The following ITFG1 variants were observed in gnomAD, a reference collection of about 807,000 sequenced individuals.
ITFG1 encodes the protein T-cell immunomodulatory protein.
A neutral mutation model predicts 81.8 loss-of-function variants in ITFG1; 34 were observed. That is an observed-to-expected ratio of 0.42 (90% CI 0.32 to 0.55). The LOEUF (loss-of-function observed/expected upper bound fraction) is 0.55. Ranked by LOEUF, ITFG1 falls within the 20% of genes least tolerant of loss-of-function variation. The pLI is 0.17. For missense variants in ITFG1, 672 were observed against 755.4 expected (o/e 0.89, Z 1.29); for synonymous variants, 285 against 270.6 (o/e 1.05, Z -0.52).
chr16:47,200,155 G>T (rs1205232570), intron 14 of ITFG1, among the ~76,000 whole-genome samples: 3 of 152,194 alleles, frequency 2.0e-5, no homozygotes, highest in African/African-American at 7.2e-5. Flanking sequence ...GTCTAGGTGT[G>T]AAGTAGGCTA....
intron 5 of ITFG1, among the ~76,000 whole-genome samples, chr16:47,432,311 G>A (rs1037288572): frequency 2.6e-5 from 4 of 152,134 alleles, no homozygotes; most frequent in Non-Finnish European, 4.4e-5. Flanking sequence ...AATTGTCAAC[G>A]CAGTATTCAA....
chr16:47,322,548 G>T (rs1439826841), intron 8 of ITFG1, among the ~76,000 whole-genome samples: 1 of 152,116 alleles, frequency 6.6e-6, no homozygotes, highest in African/African-American at 2.4e-5. Context: ...AAGTTAGCCA[G>T]GCATGGTGGC....
chr16:47,356,242 G>C (rs559838418), intron 8 of ITFG1, among the ~76,000 whole-genome samples: 1 of 152,214 alleles, frequency 6.6e-6, no homozygotes, highest in Non-Finnish European at 1.5e-5. Flanking sequence ...TGAGATAAAT[G>C]TAAAATATTT....
intron 12 of ITFG1, 105 bp from the exon 13 acceptor site, chr16:47,238,113 C>T: frequency 1.6e-6 from 1 of 643,916 alleles, no homozygotes; most frequent in East Asian, 3.2e-5. Context: ...GATTCATAAT[C>T]ACAAGCAGAA....
At chr16:47,426,524 A>G (rs1881451933) in intron 6 of ITFG1, among the ~76,000 whole-genome samples, 1 of 148,578 alleles carries the variant, frequency 6.7e-6, no homozygotes, top group African/African-American at 2.5e-5. Flanking sequence ...GATTTGGCAT[A>G]CCAGATAAAC....
chr16:47,353,989 C>T lies in ITFG1; in HGVS notation c.802+11799G>A, dbSNP rs149612467. Reference sequence around the variant, plus strand: ...TGACCACACTACCCAAAGCAATCTACAGATTCACTGCAATCCCTATCAAAA... The same window carrying T: ...TGACCACACTACCCAAAGCAATCTATAGATTCACTGCAATCCCTATCAAAA... On this transcript the variant is annotated intron_variant, in intron 8 of 17. Coordinates refer to ENST00000320640, the MANE Select transcript of ITFG1 (RefSeq NM_030790.5). Among the ~76,000 whole-genome samples the T allele has an allele frequency of 3.9e-5, 6 of 152,212 alleles. No individual in the cohort carries two copies. In the East Asian group the frequency reaches 9.6e-4, roughly 24 times the overall value.
chr16:47,369,782 G>A (rs1017941285), intron 7 of ITFG1, among the ~76,000 whole-genome samples: 8 of 149,714 alleles, frequency 5.3e-5, no homozygotes, highest in East Asian at 1.9e-4. Flanking sequence ...TTAGCATATC[G>A]ATCATCTCAA....
intron 14 of ITFG1, among the ~76,000 whole-genome samples, chr16:47,180,637 G>A (rs1284895945): frequency 6.6e-6 from 1 of 152,134 alleles, no homozygotes; most frequent in East Asian, 1.9e-4. Flanking sequence ...CGCCAGCCTC[G>A]GCCTCCCGAG....
At chr16:47,211,024 T>C (rs985959922) in intron 14 of ITFG1, among the ~76,000 whole-genome samples, 5 of 152,178 alleles carry the variant, frequency 3.3e-5, no homozygotes, top group African/African-American at 1.2e-4. Flanking sequence ...GGCCTTTCCA[T>C]ATATATTTTC....
intron 12 of ITFG1, among the ~76,000 whole-genome samples, chr16:47,253,939 G>T (rs1465616540): frequency 2.6e-5 from 4 of 152,006 alleles, no homozygotes; most frequent in Non-Finnish European, 4.4e-5. Context: ...ATAAAAACTA[G>T]AGTAATTTTA....
chr16:47,424,248 A>G (rs989250133), intron 6 of ITFG1, among the ~76,000 whole-genome samples: 13 of 152,130 alleles, frequency 8.5e-5, no homozygotes, highest in Non-Finnish European at 1.6e-4. Context: ...CATGCATCAC[A>G]AAGTTCTCAT....
intron 10 of ITFG1, among the ~76,000 whole-genome samples, chr16:47,274,821 C>T (rs1380759881): frequency 6.6e-6 from 1 of 152,046 alleles, no homozygotes; most frequent in African/African-American, 2.4e-5. Flanking sequence ...GCCATTAGTC[C>T]AATAGATGTT....
Position 47,259,612 on chromosome 16 carries a change from A to G in ITFG1, c.1222-872T>C, listed in dbSNP as rs572250190. On this transcript the variant is annotated intron_variant, in intron 11 of 17. Coordinates refer to ENST00000320640, the MANE Select transcript of ITFG1 (RefSeq NM_030790.5). ...AACAAAATAAAATCAAAAATGGGGT[A>G]AATGGGGACATAAATGTCCTATTGG... Among the ~76,000 whole-genome samples the G allele has an allele frequency of 4.6e-5, 7 of 152,372 alleles. No homozygotes were observed. In the South Asian group the frequency reaches 1.4e-3, roughly 32 times the overall value.
At chr16:47,310,905 C>T (rs1180859094) in intron 10 of ITFG1, among the ~76,000 whole-genome samples, 2 of 152,202 alleles carry the variant, frequency 1.3e-5, no homozygotes, top group South Asian at 2.1e-4. Flanking sequence ...TTCTTAACCA[C>T]CAGTGTCTTC....
intron 8 of ITFG1, among the ~76,000 whole-genome samples, chr16:47,321,191 G>T (rs916432080): frequency 6.6e-6 from 1 of 152,168 alleles, no homozygotes; most frequent in Non-Finnish European, 1.5e-5. Context: ...CTAATTAATG[G>T]TAGAAGGTTT....
chr16:47,362,243 T>G (rs112062266), intron 8 of ITFG1, among the ~76,000 whole-genome samples: 58 of 152,252 alleles, frequency 3.8e-4, no homozygotes, highest in African/African-American at 1.3e-3. Flanking sequence ...GTTTCCACCT[T>G]TAGAAAATAC....
At chr16:47,206,334 T>C (rs1386444638) in intron 14 of ITFG1, among the ~76,000 whole-genome samples, 1 of 152,204 alleles carries the variant, frequency 6.6e-6, no homozygotes, top group Admixed American at 6.5e-5. Flanking sequence ...CTGCTACCTA[T>C]GGCTCAAGCC....
At chr16:47,257,971 T>C (rs1281439205) in intron 12 of ITFG1, among the ~76,000 whole-genome samples, 2 of 152,174 alleles carry the variant, frequency 1.3e-5, no homozygotes, top group African/African-American at 2.4e-5. Flanking sequence ...ATGTAGAAGG[T>C]TGATTCAGGG....
intron 10 of ITFG1, among the ~76,000 whole-genome samples, chr16:47,304,515 C>T (rs562272667): frequency 2.0e-5 from 3 of 152,282 alleles, no homozygotes; most frequent in East Asian, 1.9e-4. Flanking sequence ...TGAGAGATGA[C>T]GTAGTGCATG....
Sources: gnomAD v4.1 joint callset for allele counts (sites outside exome capture counted in the v4.1 genomes callset) on GRCh38, gnomAD v4.1.1 for gene constraint, MANE v1.5 for transcripts, NCBI Gene and HGNC (gene_info 2026-07-23, HGNC 2026-07-21) for gene names.